Variants in GK5 observed in about 807,000 individuals in gnomAD.
GK5 encodes the protein ATP:glycerol 3-phosphotransferase 5.
Under a neutral mutation model 77.3 loss-of-function variants are expected in GK5, and 39 were observed. That is an observed-to-expected ratio of 0.50 (90% confidence interval 0.39 to 0.66). GK5 has a LOEUF of 0.66. Among genes scored for constraint, GK5 ranks in the 30% least tolerant of loss-of-function variants. The probability of loss-of-function intolerance (pLI) is 0.00; values close to 1 mark genes in which losing one functional copy is unlikely to be tolerated. For missense variants in GK5, 487 were observed against 633.8 expected, an observed-to-expected ratio of 0.77 and a Z score of 2.49; for synonymous variants, 211 against 208.0, an observed-to-expected ratio of 1.01 and a Z score of -0.13.
rs1053271727 is a variant in GK5 at position 142,163,399 on chromosome 3, C to G, written c.*2223G>C. 5.3e-5 allele frequency: 8 copies of G among 149,770 alleles called. No homozygotes were observed. Among genetic ancestry groups the G allele is most frequent in the Non-Finnish European group, 1.1e-4 (7 of 66,654 alleles). 9.3% of individuals were successfully genotyped at this position (149,770 alleles called of 1,614,324 possible). A position where few individuals can be genotyped will look rare whatever the true frequency, so the allele number is the denominator to read the frequency against. On this transcript the variant is annotated 3_prime_UTR_variant, in exon 16 of 16. Transcript: ENST00000392993. The stretch of plus-strand genomic sequence containing the variant: ...AAGCAATTCTCCTGCCTCAGCCTCC[C>G]GAGTAGCTGGGATTACAGGCTTGCA...
chr3:142,185,857 T>C, intron 9 of GK5, 72 bp downstream of exon 9: 1 of 1,550,238 alleles, frequency 6.5e-7, no homozygotes. Flanking sequence ...CTCTTAAAGC[T>C]AGTCTCAATT....
At chr3:142,193,321 G>A (rs150361815) in intron 5 of GK5, among the ~76,000 whole-genome samples, 87 of 152,240 alleles carry the variant, frequency 5.7e-4, no homozygotes, top group African/African-American at 2.0e-3. Flanking sequence ...TGGTAAGTAT[G>A]TGAAAAGATA....
chr3:142,213,971 C>T (rs987255334), intron 2 of GK5, among the ~76,000 whole-genome samples: 13 of 152,084 alleles, frequency 8.5e-5, no homozygotes, highest in African/African-American at 2.9e-4. Flanking sequence ...TATAGGTGTG[C>T]ACCACCCTGC....
At chr3:142,185,867 T>C in intron 9 of GK5, 62 bp downstream of exon 9, 1 of 1,542,110 alleles carries the variant, frequency 6.5e-7, no homozygotes, top group Admixed American at 2.0e-5. Flanking sequence ...TAGTCTCAAT[T>C]ATTAATACAT....
chr3:142,158,466 A>C lies in GK5; in HGVS notation c.*7156T>G, dbSNP rs977562574. ...GGTAATTTTTTTTAAATCTAAAAGT[A>C]GACAAAAAGGGAAGGGAAAAATTCA... is the stretch of plus-strand genomic sequence containing the variant. On this transcript the variant is annotated 3_prime_UTR_variant, in exon 16 of 16. Transcript: ENST00000392993. 6.6e-6 allele frequency: 1 copy of C among 152,646 alleles called. No individual in the cohort carries two copies. Among genetic ancestry groups the C allele is most frequent in the African/African-American group, 2.4e-5 (1 of 41,454 alleles). 9.5% of individuals were successfully genotyped at this position (152,646 alleles called of 1,614,324 possible). A position where few individuals can be genotyped will look rare whatever the true frequency, so the allele number is the denominator to read the frequency against.
rs376045873 is a variant in GK5 at position 142,213,604 on chromosome 3, A to G, written c.242-3T>C. The G allele has an allele frequency of 3.1e-5, 49 of 1,598,642 alleles. No individual in the cohort carries two copies. The highest frequency in any genetic ancestry group is 4.0e-5 in the Non-Finnish European group (47 of 1,166,146). On this transcript the variant is annotated splice_polypyrimidine_tract_variant and splice_region_variant and intron_variant, in intron 2 of 15. Coordinates refer to ENST00000392993, the MANE Select transcript of GK5 (RefSeq NM_001039547.3). Reference sequence around the variant, plus strand: ...TTGATTCATCTGTATTCCTGCAGCTAAAAGTAAAGATGGATAAAACACATG... The same window carrying G: ...TTGATTCATCTGTATTCCTGCAGCTGAAAGTAAAGATGGATAAAACACATG...
At chr3:142,212,381 A>G (rs1178122381) in intron 3 of GK5, among the ~76,000 whole-genome samples, 2 of 152,002 alleles carry the variant, frequency 1.3e-5, no homozygotes, top group Non-Finnish European at 2.9e-5. Flanking sequence ...AAAAAATACA[A>G]AAAAATTAGC....
intron 1 of GK5, among the ~76,000 whole-genome samples, chr3:142,217,050 G>A (rs1430142860): frequency 6.6e-6 from 1 of 152,066 alleles, no homozygotes; most frequent in Non-Finnish European, 1.5e-5. Context: ...AAAACTACAA[G>A]GTATATGAAG....
chr3:142,215,306 G>A (rs2064258195), intron 2 of GK5, among the ~76,000 whole-genome samples: 1 of 152,152 alleles, frequency 6.6e-6, no homozygotes, highest in Admixed American at 6.5e-5. Flanking sequence ...GGTATTTTGT[G>A]CCAAACAGGA....
intron 5 of GK5, among the ~76,000 whole-genome samples, chr3:142,196,527 T>C (rs1054741089): frequency 6.6e-6 from 1 of 152,176 alleles, no homozygotes; most frequent in Non-Finnish European, 1.5e-5. Context: ...CTTATTTTCA[T>C]TCATCTCAAA....
At chr3:142,216,672 G>C (rs1177388376) in intron 1 of GK5, among the ~76,000 whole-genome samples, 1 of 152,120 alleles carries the variant, frequency 6.6e-6, no homozygotes, top group Non-Finnish European at 1.5e-5. Flanking sequence ...ATCTCAGAGA[G>C]GGAGGAACTT....
chr3:142,209,870 T>C (rs1477916360), intron 3 of GK5, among the ~76,000 whole-genome samples: 1 of 152,042 alleles, frequency 6.6e-6, no homozygotes, highest in African/African-American at 2.4e-5. Flanking sequence ...TTTGTGTTGC[T>C]AATTGGCACA....
Position 142,204,807 on chromosome 3 carries a change from T to A in GK5, c.318-19A>T. ...TGTTTTCCTAGAAAGAATAAAACAG[T>A]ATTTTGAGACCCAGCATAAATCAGA... is the stretch of plus-strand genomic sequence containing the variant. On this transcript the variant is annotated intron_variant, in intron 3 of 15. Coordinates refer to ENST00000392993, the MANE Select transcript of GK5 (RefSeq NM_001039547.3). 1 of 1,320,244 alleles carries A rather than the reference T, an allele frequency of 7.6e-7. No individual in the cohort carries two copies. Among genetic ancestry groups the A allele is most frequent in the Non-Finnish European group, 1.1e-6 (1 of 930,728 alleles). 81.8% of individuals were successfully genotyped at this position (1,320,244 alleles called of 1,614,324 possible). A position where few individuals can be genotyped will look rare whatever the true frequency, so the allele number is the denominator to read the frequency against.
chr3:142,177,049 G>A (rs1307693524), intron 12 of GK5, among the ~76,000 whole-genome samples: 1 of 152,290 alleles, frequency 6.6e-6, no homozygotes, highest in East Asian at 1.9e-4. Flanking sequence ...GCATATGTGT[G>A]TGATGTATGT....
At position 142,186,886 on chromosome 3, in the gene GK5, C is replaced by T. The variant is rs151124402; in HGVS notation, c.620-373G>A. Among the ~76,000 whole-genome samples, 35 of 152,232 alleles carry T rather than the reference C, an allele frequency of 2.3e-4. 1 individual carries two copies. The highest frequency in any genetic ancestry group is 7.2e-4 in the African/African-American group (30 of 41,538). On this transcript the variant is annotated intron_variant, in intron 6 of 15. Coordinates refer to ENST00000392993, the MANE Select transcript of GK5 (RefSeq NM_001039547.3). The stretch of plus-strand genomic sequence containing the variant: ...CCTCAAGTGATCCGCCCGCCTCAGC[C>T]TCCCAAAGTACTGGGATTACAGACG...
rs2063696649 is a variant in GK5, at chr3:142,181,486, A to C, written c.1023T>G (p.Thr341=). The C allele has an allele frequency of 1.2e-6, 2 of 1,611,888 alleles. No individual in the cohort carries two copies. The highest frequency in any genetic ancestry group is 1.7e-6 in the Non-Finnish European group (2 of 1,178,754). ...LAESNAGDTG[T]AIKWAQQLDL... Reference sequence around the variant, plus strand: ...CTAACTGCTGAGCCCATTTTATGGCAGTACCAGTGTCTCCTGCATTGCTTT... The same window carrying C: ...CTAACTGCTGAGCCCATTTTATGGCCGTACCAGTGTCTCCTGCATTGCTTT... The change falls in exon 11 of 16, where the codon ACT becomes ACG. Residue 341 remains threonine (T), a synonymous_variant. Coordinates refer to ENST00000392993, the MANE Select transcript of GK5 (RefSeq NM_001039547.3).
intron 11 of GK5, among the ~76,000 whole-genome samples, 191 bp downstream of exon 11, chr3:142,181,270 T>C (rs1258740640): frequency 2.6e-5 from 4 of 152,232 alleles, no homozygotes; most frequent in Non-Finnish European, 4.4e-5. Context: ...TTCTTTATGG[T>C]TCCTGTCTTT....
intron 11 of GK5, 43 bp from the exon 12 acceptor site, chr3:142,177,619 AAGAGGTT>A (rs2063634803): frequency 8.5e-7 from 1 of 1,180,456 alleles, no homozygotes; most frequent in African/African-American, 1.5e-5. Context: ...AAACAAAATG[AAGAGGTT>A]AGAGAGGCAC....
chr3:142,209,717 T>C (rs1449531291), intron 3 of GK5, among the ~76,000 whole-genome samples: 2 of 152,202 alleles, frequency 1.3e-5, no homozygotes, highest in African/African-American at 4.8e-5. Context: ...TATAGAGTAA[T>C]TTGTGTACCT....
Sources: gnomAD v4.1 joint callset for allele counts (sites outside exome capture counted in the v4.1 genomes callset) on GRCh38, gnomAD v4.1.1 for gene constraint, MANE v1.5 for transcripts, NCBI Gene and HGNC (gene_info 2026-07-23, HGNC 2026-07-21) for gene names.